Variants in CPAP observed in about 807,000 individuals in gnomAD.
CPAP encodes the protein centrosome assembly and centriole elongation protein, also known as centrosomal P4.1-associated protein.
chr13:24,883,267 A>G, the CPAP span: 1 of 1,613,832 alleles, frequency 6.2e-7, no homozygotes, highest in Non-Finnish European at 8.5e-7. Context: ...GACCGTTTGC[A>G]TATACGGTTT....
chr13:24,895,442 G>T, the CPAP span, among the ~76,000 whole-genome samples: 1 of 152,232 alleles, frequency 6.6e-6, no homozygotes. Flanking sequence ...GCCGGGCGTG[G>T]TGGCGGGTGC....
At chr13:24,887,194 A>G in the CPAP span, among the ~76,000 whole-genome samples, 1 of 152,224 alleles carries the variant, frequency 6.6e-6, no homozygotes, top group Non-Finnish European at 1.5e-5. Context: ...AGGTTCATCA[A>G]AAGATACTAT....
chr13:24,933,746 A>G, the CPAP span, among the ~76,000 whole-genome samples: 1 of 149,184 alleles, frequency 6.7e-6, no homozygotes, highest in Non-Finnish European at 1.5e-5. Flanking sequence ...TTTTTTTTAG[A>G]TGGAGTCTCA....
At chr13:24,916,032 T>C in the CPAP span, among the ~76,000 whole-genome samples, 10 of 152,130 alleles carry the variant, frequency 6.6e-5, no homozygotes, top group Non-Finnish European at 1.5e-4. Context: ...GTGGAGAGGA[T>C]GCATGACAGA....
At chr13:24,910,678 AGGC>A in the CPAP span, among the ~76,000 whole-genome samples, 2 of 152,268 alleles carry the variant, frequency 1.3e-5, no homozygotes, top group Non-Finnish European at 2.9e-5. Flanking sequence ...TGACTGCATG[AGGC>A]TAGTTCTTAT....
chr13:24,895,685 G>A, the CPAP span, among the ~76,000 whole-genome samples: 2 of 152,276 alleles, frequency 1.3e-5, no homozygotes, highest in African/African-American at 4.8e-5. Flanking sequence ...GCCAAGGGCA[G>A]CACTAAATGG....
chr13:24,923,053 T>G, the CPAP span, among the ~76,000 whole-genome samples: 1 of 152,156 alleles, frequency 6.6e-6, no homozygotes. Context: ...GCGGGCGGCG[T>G]GGCGGGGCGG....
At chr13:24,929,501 G>T in the CPAP span, among the ~76,000 whole-genome samples, 9 of 152,186 alleles carry the variant, frequency 5.9e-5, no homozygotes, top group Non-Finnish European at 8.8e-5. Flanking sequence ...CTTATGGAAG[G>T]TCCTTTGTAT....
chr13:24,891,925 C>A, the CPAP span, among the ~76,000 whole-genome samples: 2,539 of 152,292 alleles, frequency 0.017, 73 homozygotes, highest in African/African-American at 0.058. Context: ...TCTGCAGGCT[C>A]AGGCGGCCAC....
At chr13:24,927,379 A>G in the CPAP span, among the ~76,000 whole-genome samples, 1 of 152,210 alleles carries the variant, frequency 6.6e-6, no homozygotes, top group Non-Finnish European at 1.5e-5. Flanking sequence ...ATATAGAACC[A>G]GCAGACAGCC....
At chr13:24,919,558 C>T in the CPAP span, among the ~76,000 whole-genome samples, 234 of 151,900 alleles carry the variant, frequency 1.5e-3, 1 homozygote, top group Middle Eastern at 6.8e-3. Flanking sequence ...GTAGCCAGGA[C>T]CATAGGCATA....
chr13:24,889,956 C>T, the CPAP span, among the ~76,000 whole-genome samples: 3 of 152,102 alleles, frequency 2.0e-5, no homozygotes, highest in Non-Finnish European at 4.4e-5. Flanking sequence ...GGTGTCCTAC[C>T]TCAGCTCCAC....
chr13:24,890,218 T>C, the CPAP span, among the ~76,000 whole-genome samples: 1 of 152,224 alleles, frequency 6.6e-6, no homozygotes, highest in Non-Finnish European at 1.5e-5. Context: ...GACATAACTA[T>C]GGCAAAATGT....
chr13:24,894,237 G>A, the CPAP span, among the ~76,000 whole-genome samples: 7 of 152,350 alleles, frequency 4.6e-5, no homozygotes, highest in African/African-American at 1.7e-4. Context: ...AAGGGGATCC[G>A]TTGTCACGTG....
chr13:24,883,175 C>A, the CPAP span: 1 of 1,612,676 alleles, frequency 6.2e-7, no homozygotes, highest in Non-Finnish European at 8.5e-7. Flanking sequence ...ACATGAGGAT[C>A]GTCACAGCTC....
the CPAP span, chr13:24,883,223 C>G: frequency 6.2e-7 from 1 of 1,614,080 alleles, no homozygotes; most frequent in Non-Finnish European, 8.5e-7. Flanking sequence ...GTCCTTAACT[C>G]TTATCCGACC....
the CPAP span, chr13:24,892,921 AAAC>A: frequency 7.1e-6 from 9 of 1,260,662 alleles, no homozygotes; most frequent in Non-Finnish European, 1.0e-5. Context: ...ACCAGAATTA[AAAC>A]AATAGAAGAA....
the CPAP span, among the ~76,000 whole-genome samples, chr13:24,916,443 A>G: frequency 6.6e-6 from 1 of 152,266 alleles, no homozygotes; most frequent in African/African-American, 2.4e-5. Flanking sequence ...ATGCCAAAAC[A>G]TTAAAACATG....
At chr13:24,920,566 C>T in the CPAP span, among the ~76,000 whole-genome samples, 1 of 150,770 alleles carries the variant, frequency 6.6e-6, no homozygotes, top group East Asian at 1.9e-4. Context: ...ATTGCTGCCA[C>T]AGGCAGTAAC....
Sources: allele counts gnomAD v4.1 joint callset (sites outside exome capture counted in the v4.1 genomes callset), GRCh38; gene constraint gnomAD v4.1.1; transcripts MANE v1.5; gene names NCBI Gene and HGNC (gene_info 2026-07-23, HGNC 2026-07-21).